Variants in JAKMIP3 observed in about 807,000 individuals in gnomAD.
JAKMIP3 encodes the protein Janus kinase and microtubule interacting protein 3.
A neutral mutation model predicts 118.5 loss-of-function variants in JAKMIP3; 58 were observed. The ratio of observed to expected loss-of-function variants is 0.49; its 90% CI spans 0.40 to 0.61. The LOEUF is 0.61. Ranked by LOEUF, JAKMIP3 falls within the 20% of genes least tolerant of loss-of-function variation. The pLI, the probability that JAKMIP3 is intolerant of heterozygous loss-of-function variation, is 0.00. For missense variants in JAKMIP3, 950 were observed against 1,109.0 expected (o/e 0.86, Z 2.04); for synonymous variants, 486 against 451.2 (o/e 1.08, Z -0.98).
intron 1 of JAKMIP3, among the ~76,000 whole-genome samples, chr10:132,073,868 T>C (rs1009982878): frequency 4.6e-5 from 7 of 152,192 alleles, no homozygotes; most frequent in Non-Finnish European, 8.8e-5. Flanking sequence ...TAATTATTTC[T>C]TTCCTGTTGG....
At chr10:132,050,884 G>C (rs1158694849) in intron 1 of JAKMIP3, among the ~76,000 whole-genome samples, 1 of 152,042 alleles carries the variant, frequency 6.6e-6, no homozygotes, top group Non-Finnish European at 1.5e-5. Context: ...TGGTGAGTGG[G>C]TACCTGCCTG....
At chr10:132,163,134 G>A (rs534797582) in intron 19 of JAKMIP3, 75 bp from the exon 20 acceptor site, 16 of 1,393,322 alleles carry the variant, frequency 1.1e-5, no homozygotes, top group Middle Eastern at 2.5e-4. Flanking sequence ...AGGGTGGCCC[G>A]GCCTCCGTTG....
At chr10:132,113,263 T>C (rs1381041228) in intron 2 of JAKMIP3, among the ~76,000 whole-genome samples, 1 of 152,240 alleles carries the variant, frequency 6.6e-6, no homozygotes, top group African/African-American at 2.4e-5. Context: ...GTCACTTTTA[T>C]ACATGGCAGA....
chr10:132,053,116 G>C (rs1477026324), intron 1 of JAKMIP3, among the ~76,000 whole-genome samples: 2 of 152,204 alleles, frequency 1.3e-5, no homozygotes, highest in African/African-American at 4.8e-5. Flanking sequence ...GAGGGTCACA[G>C]TTGCTCCTGC....
upstream of JAKMIP3, among the ~76,000 whole-genome samples, chr10:132,065,232 C>T (rs1361621453): frequency 1.3e-5 from 2 of 152,104 alleles, no homozygotes; most frequent in Non-Finnish European, 2.9e-5. This position sits in a 1 kb window ranked among gnomAD's most constrained non-coding sequence, Gnocchi z 5.6. Flanking sequence ...TACAGAGCGG[C>T]TGTCACACGG....
At chr10:132,089,427 C>G (rs530003294) in intron 1 of JAKMIP3, among the ~76,000 whole-genome samples, 1 of 152,214 alleles carries the variant, frequency 6.6e-6, no homozygotes, top group South Asian at 2.1e-4. Context: ...CCTTCACATC[C>G]CTTGTAAGTT....
chr10:132,167,827 C>G, intron 22 of JAKMIP3, 126 bp from the exon 23 acceptor site: 3 of 489,126 alleles, frequency 6.1e-6, no homozygotes, highest in South Asian at 5.8e-5. Context: ...CCTCGGCCCT[C>G]ACCCCTCGGC....
At chr10:132,180,687 G>GCA (rs2061063846) in intron 23 of JAKMIP3, among the ~76,000 whole-genome samples, 2 of 32,138 alleles carry the variant, frequency 6.2e-5, no homozygotes, top group African/African-American at 1.1e-4. Flanking sequence ...GCGCGCGTGT[G>GCA]TGTGCGTGCG....
rs1376483095 is a variant in JAKMIP3, at chr10:132,053,789, C to G, written c.-138+17051C>G. Reference sequence around the variant, plus strand: ...GTGGCTCACGCCTGTAATCCCAGCACTTTGGGAGGCCGAGGCGGGCAGATC... The same window carrying G: ...GTGGCTCACGCCTGTAATCCCAGCAGTTTGGGAGGCCGAGGCGGGCAGATC... On this transcript the variant is annotated intron_variant, in intron 1 of 23. Transcript: ENST00000657785. Among the ~76,000 whole-genome samples, 6 of 151,902 alleles carry G rather than the reference C, an allele frequency of 3.9e-5. No individual in the cohort carries two copies. In the East Asian group the frequency reaches 1.2e-3, roughly 30 times the overall value.
At chr10:132,045,675 T>C (rs2133782512) in intron 1 of JAKMIP3, among the ~76,000 whole-genome samples, 1 of 152,298 alleles carries the variant, frequency 6.6e-6, no homozygotes, top group African/African-American at 2.4e-5. Flanking sequence ...ATGCCTATAA[T>C]CCCAGCACTT....
intron 1 of JAKMIP3, among the ~76,000 whole-genome samples, chr10:132,090,549 T>A (rs2042969638): frequency 1.3e-5 from 2 of 152,230 alleles, no homozygotes; most frequent in South Asian, 4.1e-4. Context: ...GTGGGATCAG[T>A]GGTGATAACC....
chr10:132,074,387 T>G (rs2040451130), intron 1 of JAKMIP3, among the ~76,000 whole-genome samples: 1 of 152,214 alleles, frequency 6.6e-6, no homozygotes, highest in Non-Finnish European at 1.5e-5. Flanking sequence ...CTATTCTGAC[T>G]GGTGTGAGAT....
intron 1 of JAKMIP3, among the ~76,000 whole-genome samples, chr10:132,089,480 A>G (rs111769328): frequency 6.6e-6 from 1 of 152,090 alleles, no homozygotes; most frequent in Non-Finnish European, 1.5e-5. Context: ...ATTGTGAATG[A>G]GAGTTCACTC....
chr10:132,180,625 G>GCGCGTGCA (rs2060898816), intron 23 of JAKMIP3, among the ~76,000 whole-genome samples: 2 of 48,984 alleles, frequency 4.1e-5, no homozygotes, highest in East Asian at 3.7e-3. Context: ...GCGTGTGTGT[G>GCGCGTGCA]CGTGTGTGCG....
intron 1 of JAKMIP3, among the ~76,000 whole-genome samples, chr10:132,078,625 G>GGGGGT (rs2041238639): frequency 1.4e-5 from 2 of 140,812 alleles, no homozygotes; most frequent in African/African-American, 5.3e-5. Context: ...GGGGCGGGGG[G>GGGGGT]GGGGGGGGGT....
chr10:132,137,395 G>A lies in JAKMIP3; in HGVS notation c.1284+106G>A, dbSNP rs1055701349. ...CCTCACAGACCAGACAGAAGCGGCC[G>A]CGGCAGCCTTTCGGGTGGATTTTGT... On this transcript the variant is annotated intron_variant, in intron 8 of 23. Transcript: ENST00000684848. 1.2e-4 allele frequency: 171 copies of A among 1,406,804 alleles called. No individual in the cohort carries two copies. The Admixed American group carries it at 1.4e-3, about 12-fold the overall frequency. The allele number at this position is 1,406,804 out of a possible 1,614,324, so 87.1% of individuals were successfully genotyped here. A position where few individuals can be genotyped will look rare whatever the true frequency, so the allele number is the denominator to read the frequency against.
intron 23 of JAKMIP3, among the ~76,000 whole-genome samples, chr10:132,175,734 G>A (rs1393356519): frequency 6.6e-6 from 1 of 152,166 alleles, no homozygotes; most frequent in Admixed American, 6.5e-5. Flanking sequence ...TGTCTGTTTG[G>A]TCATCTTAAA....
intron 1 of JAKMIP3, among the ~76,000 whole-genome samples, chr10:132,095,604 G>T (rs2043745585): frequency 6.6e-6 from 1 of 152,176 alleles, no homozygotes; most frequent in Admixed American, 6.5e-5. Flanking sequence ...ACCTTCAGAG[G>T]GTCTGGGGGT....
chr10:132,064,446 C>G (rs942036617), upstream of JAKMIP3, among the ~76,000 whole-genome samples: 1 of 152,142 alleles, frequency 6.6e-6, no homozygotes, highest in Non-Finnish European at 1.5e-5. This position sits in a 1 kb window ranked among gnomAD's most constrained non-coding sequence, Gnocchi z 4.4. Context: ...CCCCGAGCCG[C>G]CGGCATGGGA....
Sources: gnomAD v4.1 joint callset for allele counts (sites outside exome capture counted in the v4.1 genomes callset) on GRCh38, gnomAD v4.1.1 for gene constraint, Gnocchi (gnomAD v3.1) non-coding constraint, MANE v1.5 for transcripts, NCBI Gene and HGNC (gene_info 2026-07-23, HGNC 2026-07-21) for gene names.